The following FECH variants were observed in gnomAD, a reference collection of about 807,000 sequenced individuals.
FECH encodes the protein ferrochelatase, mitochondrial.
A neutral mutation model predicts 56.9 loss-of-function variants in FECH; 40 were observed. That is an observed-to-expected ratio of 0.70 (90% confidence interval 0.55 to 0.92). The LOEUF is 0.92. Among genes scored for constraint, FECH ranks in the 40% least tolerant of loss-of-function variants. The pLI, the probability that FECH is intolerant of heterozygous loss-of-function variation, is 0.00. For synonymous variants in FECH, 175 were observed against 198.6 expected (o/e 0.88, Z 1.00); for missense variants, 431 against 529.1 (o/e 0.81, Z 1.82).
intron 2 of FECH, 127 bp downstream of exon 2, chr18:57,579,946 G>T (rs2051250992): frequency 1.5e-6 from 2 of 1,297,588 alleles, no homozygotes; most frequent in African/African-American, 1.5e-5. Context: ...CTATTGAAAG[G>T]AAGCCAAGAA....
rs2050700454 is a variant in FECH, at chr18:57,544,923, T to G, written c.*5789A>C. Among the ~76,000 whole-genome samples the G allele has an allele frequency of 6.6e-6, 1 of 152,252 alleles. No individual in the cohort carries two copies. Among genetic ancestry groups the G allele is most frequent in the African/African-American group, 2.4e-5 (1 of 41,470 alleles). On this transcript the variant is annotated 3_prime_UTR_variant, in exon 11 of 11. Transcript: ENST00000262093. ...AATGATTAACTTGAAATTTTAACAA[T>G]TGGTTCACAAGCCAACATGCCATGT...
intron 9 of FECH, among the ~76,000 whole-genome samples, chr18:57,553,949 T>C (rs544618721): frequency 6.6e-6 from 1 of 152,370 alleles, no homozygotes; most frequent in African/African-American, 2.4e-5. Flanking sequence ...ACATTTCTTT[T>C]TTCTTAAAGA....
At chr18:57,551,094 G>A (rs2050791341) in intron 10 of FECH, 2 of 637,344 alleles carry the variant, frequency 3.1e-6, no homozygotes. Context: ...TCTCTGGAAA[G>A]CAGGTTTTAA....
At chr18:57,555,998 G>A (rs954572348) in intron 7 of FECH, among the ~76,000 whole-genome samples, 55 of 152,132 alleles carry the variant, frequency 3.6e-4, no homozygotes, top group African/African-American at 1.3e-3. Context: ...GTGTGGTGGC[G>A]CACACCTATA....
chr18:57,570,025 TTGTTGTC>T (rs1430483763), intron 4 of FECH, among the ~76,000 whole-genome samples: 1 of 113,402 alleles, frequency 8.8e-6, no homozygotes, highest in Non-Finnish European at 1.9e-5. Flanking sequence ...GTTGTTGTTG[TTGTTGTC>T]GTGTGTGTGT....
chr18:57,558,685 C>G (rs1017941713), intron 7 of FECH, among the ~76,000 whole-genome samples: 8 of 152,252 alleles, frequency 5.3e-5, no homozygotes, highest in African/African-American at 1.9e-4. Context: ...TTTGGGAGGC[C>G]TGGGCGGGTG....
At chr18:57,571,260 A>G (rs1403982289) in intron 4 of FECH, 132 bp downstream of exon 4, 3 of 921,464 alleles carry the variant, frequency 3.3e-6, no homozygotes, top group Non-Finnish European at 5.1e-6. Context: ...TTAAGTGACC[A>G]TGTATTATGT....
intron 2 of FECH, among the ~76,000 whole-genome samples, chr18:57,573,755 C>T (rs1387882743): frequency 3.3e-5 from 5 of 152,188 alleles, no homozygotes; most frequent in Admixed American, 2.0e-4. Flanking sequence ...TGACCTCTCC[C>T]AACTTCAAGT....
chr18:57,564,028 G>A (rs937958600), intron 5 of FECH, among the ~76,000 whole-genome samples: 11 of 152,036 alleles, frequency 7.2e-5, no homozygotes, highest in Non-Finnish European at 1.5e-5. Context: ...ACAGGTATAT[G>A]CCACTACGCC....
chr18:57,560,293 A>G (rs1325878075), intron 6 of FECH, among the ~76,000 whole-genome samples: 1 of 152,244 alleles, frequency 6.6e-6, no homozygotes, highest in Non-Finnish European at 1.5e-5. Context: ...ACACAGACAC[A>G]CACACATACA....
chr18:57,553,084 T>C (rs958425664), intron 9 of FECH, among the ~76,000 whole-genome samples: 2 of 152,146 alleles, frequency 1.3e-5, no homozygotes, highest in African/African-American at 2.4e-5. Context: ...AAAATCATAA[T>C]AAATTTAAAA....
intron 3 of FECH, chr18:57,572,951 A>G: frequency 5.3e-6 from 2 of 374,548 alleles, no homozygotes; most frequent in South Asian, 3.0e-5. Context: ...TTAAGTGACA[A>G]GTACAAATAT....
Position 57,545,568 on chromosome 18 carries a change from C to T in FECH, c.*5144G>A, listed in dbSNP as rs543528222. On this transcript the variant is annotated 3_prime_UTR_variant, in exon 11 of 11. Transcript: ENST00000262093. ...CTACTCTTTGGCAAGATGCATCAGA[C>T]GCACGGAGCGATGGTCTGGCTGAAG... Among the ~76,000 whole-genome samples, 8 of 152,288 alleles carry T rather than the reference C, an allele frequency of 5.3e-5. No homozygotes were observed. Among genetic ancestry groups the T allele is most frequent in the Admixed American group, 1.3e-4 (2 of 15,296 alleles).
intron 3 of FECH, among the ~76,000 whole-genome samples, chr18:57,572,513 T>TAAA (rs57279341): frequency 0.02 from 1,132 of 55,978 alleles, 29 homozygotes; most frequent in African/African-American, 0.078. Flanking sequence ...TATACGTATG[T>TAAA]AAAAAAAAAA....
At chr18:57,573,588 A>G (rs994021287) in intron 2 of FECH, among the ~76,000 whole-genome samples, 2 of 152,110 alleles carry the variant, frequency 1.3e-5, no homozygotes, top group African/African-American at 4.8e-5. Context: ...TTAATTCATG[A>G]TATCAGTCTT....
At chr18:57,573,166 C>T in intron 3 of FECH, 80 bp downstream of exon 3, 2 of 1,388,364 alleles carry the variant, frequency 1.4e-6, no homozygotes, top group South Asian at 1.2e-5. Context: ...AAACTATTTA[C>T]TGGTTTGAAA....
In FECH at chr18:57,550,675, G is replaced by A; in HGVS notation, c.*37C>T. Reference sequence around the variant, plus strand: ...CCACATCGGAGGTATCTGGAGGTTGGGCATTTGCCTAACGCCACGGGGTCC... The same window carrying A: ...CCACATCGGAGGTATCTGGAGGTTGAGCATTTGCCTAACGCCACGGGGTCC... On this transcript the variant is annotated 3_prime_UTR_variant, in exon 11 of 11. Coordinates refer to ENST00000262093, the MANE Select transcript of FECH (RefSeq NM_000140.5). 2 of 1,613,566 alleles carry A rather than the reference G, an allele frequency of 1.2e-6. No individual in the cohort carries two copies. The highest frequency in any genetic ancestry group is 1.7e-6 in the Non-Finnish European group (2 of 1,179,862).
chr18:57,556,966 C>G (rs2050876757), intron 7 of FECH, among the ~76,000 whole-genome samples: 1 of 137,174 alleles, frequency 7.3e-6, no homozygotes, highest in Non-Finnish European at 1.5e-5. Flanking sequence ...AGCCAAGTAT[C>G]AGGACTGTCA....
In FECH at chr18:57,547,935, C is replaced by T. The variant is rs966517398; in HGVS notation, c.*2777G>A. On this transcript the variant is annotated 3_prime_UTR_variant, in exon 11 of 11. Transcript: ENST00000262093. ...ACACATGTAAGGCACGGCACCCAGCCTCACATTTAAAGGGCTTTTAATAAT... is the reference window on the plus strand; with the variant it reads ...ACACATGTAAGGCACGGCACCCAGCTTCACATTTAAAGGGCTTTTAATAAT... Among the ~76,000 whole-genome samples the T allele has an allele frequency of 1.3e-5, 2 of 152,136 alleles. No homozygotes were observed. Among genetic ancestry groups the T allele is most frequent in the Admixed American group, 1.3e-4 (2 of 15,278 alleles).
Sources: allele counts gnomAD v4.1 joint callset (sites outside exome capture counted in the v4.1 genomes callset), GRCh38; gene constraint gnomAD v4.1.1; transcripts MANE v1.5; gene names NCBI Gene and HGNC (gene_info 2026-07-23, HGNC 2026-07-21).